The following PARP15 variants were observed in gnomAD, a reference collection of about 807,000 sequenced individuals.
PARP15 encodes protein mono-ADP-ribosyltransferase PARP15.
A neutral mutation model predicts 62.1 loss-of-function variants in PARP15; 50 were observed. The observed-to-expected ratio is 0.81, with a 90% CI of 0.64 to 1.02. The LOEUF is 1.02. Ranked by LOEUF, PARP15 falls within the 50% of genes least tolerant of loss-of-function variation. The probability of loss-of-function intolerance (pLI) is 0.00; values close to 1 mark genes in which losing one functional copy is unlikely to be tolerated. For synonymous variants in PARP15, 309 were observed against 293.1 expected (o/e 1.05, Z -0.55); for missense variants, 820 against 826.5 (o/e 0.99, Z 0.10).
chr3:122,609,744 T>C (rs935819840), intron 2 of PARP15, among the ~76,000 whole-genome samples: 2 of 151,628 alleles, frequency 1.3e-5, no homozygotes, highest in East Asian at 3.9e-4. Context: ...TGAGAGTGTT[T>C]GTCTCCTCTT....
At chr3:122,621,334 C>T in intron 7 of PARP15, 110 bp from the exon 8 acceptor site, 1 of 1,176,246 alleles carries the variant, frequency 8.5e-7, no homozygotes, top group Non-Finnish European at 1.2e-6. Flanking sequence ...TCGAGTGAGA[C>T]TGGGCTTCAC....
In PARP15 at chr3:122,637,657, A is replaced by G. The variant is rs1937441738; in HGVS notation, c.*1557A>G. 1 of 152,176 alleles carries G rather than the reference A, an allele frequency of 6.6e-6. No homozygotes were observed. The highest frequency in any genetic ancestry group is 1.5e-5 in the Non-Finnish European group (1 of 68,032). The allele number at this position is 152,176 out of a possible 1,614,324, so 9.4% of individuals were successfully genotyped here. A position where few individuals can be genotyped will look rare whatever the true frequency, so the allele number is the denominator to read the frequency against. The stretch of plus-strand genomic sequence containing the variant: ...GAAAAATAACTCACCAAACTCACTC[A>G]TAATTCCAGCACTAAGGGAAAACCA... On this transcript the variant is annotated 3_prime_UTR_variant, in exon 12 of 12. Coordinates refer to ENST00000464300, the MANE Select transcript of PARP15 (RefSeq NM_001113523.3).
intron 9 of PARP15, among the ~76,000 whole-genome samples, chr3:122,628,074 G>T (rs1936844853): frequency 6.6e-6 from 1 of 152,196 alleles, no homozygotes; most frequent in Non-Finnish European, 1.5e-5. Flanking sequence ...TCTCAGCTAT[G>T]TTGTCTTTTT....
intron 1 of PARP15, among the ~76,000 whole-genome samples, chr3:122,595,504 G>A (rs1297041321): frequency 6.6e-6 from 1 of 152,080 alleles, no homozygotes. Context: ...TTCACTCGCT[G>A]CTAGGACACC....
Position 122,638,068 on chromosome 3 carries a change from C to T in PARP15, c.*1968C>T, listed in dbSNP as rs1398250499. ...TGTGGTGTTTGGTTTTTTGTCCTTGCGATAGTTTGCTGAGAATGATGGTTT... is the reference window on the plus strand; with the variant it reads ...TGTGGTGTTTGGTTTTTTGTCCTTGTGATAGTTTGCTGAGAATGATGGTTT... On this transcript the variant is annotated 3_prime_UTR_variant, in exon 12 of 12. Transcript: ENST00000464300. The T allele has an allele frequency of 2.8e-4, 42 of 151,926 alleles. No homozygotes were observed. In the East Asian group the frequency reaches 4.5e-3, roughly 16 times the overall value. The allele number at this position is 151,926 out of a possible 1,614,324, so 9.4% of individuals were successfully genotyped here.
In PARP15 at chr3:122,577,709, AG is replaced by A; in HGVS notation, c.46del (p.Ala16LeufsTer65). The A allele has an allele frequency of 6.4e-7, 1 of 1,551,674 alleles. No individual in the cohort carries two copies. Among genetic ancestry groups the A allele is most frequent in the East Asian group, 2.4e-5 (1 of 40,910 alleles). ...GPLPAAALSPGAPTPRELMHG... is the reference protein window; with the variant it reads ...GPLPAAALSPXAPTPRELMHG... The stretch of plus-strand genomic sequence containing the variant: ...CCCTTCCTGCCGCTGCTCTGAGTCC[AG>A]GGGCTCCGACCCCCAGAGAACTTAT... On this transcript the variant is annotated frameshift_variant, in exon 1 of 12. Transcript: ENST00000464300. LOFTEE classifies it high-confidence loss of function.
chr3:122,601,114 T>C (rs1282017320), intron 1 of PARP15, among the ~76,000 whole-genome samples: 2 of 139,972 alleles, frequency 1.4e-5, no homozygotes, highest in Non-Finnish European at 3.0e-5. Context: ...CGATCTCAGC[T>C]CACTACAGCC....
chr3:122,589,278 A>G (rs187806181), intron 1 of PARP15, among the ~76,000 whole-genome samples: 1 of 152,202 alleles, frequency 6.6e-6, no homozygotes, highest in Admixed American at 6.5e-5. Context: ...CACCCTCATG[A>G]CCTCATCTAA....
chr3:122,592,584 C>T (rs996328453), intron 1 of PARP15, among the ~76,000 whole-genome samples: 1 of 148,652 alleles, frequency 6.7e-6, no homozygotes, highest in Admixed American at 6.8e-5. Flanking sequence ...TGCACATGTA[C>T]CACAGAACTT....
At chr3:122,579,795 A>G (rs1018182951) in intron 1 of PARP15, among the ~76,000 whole-genome samples, 1 of 151,854 alleles carries the variant, frequency 6.6e-6, no homozygotes, top group East Asian at 1.9e-4. Flanking sequence ...CCTGGCGAAC[A>G]TGGTGAAACC....
intron 3 of PARP15, among the ~76,000 whole-genome samples, chr3:122,612,513 TG>T (rs1935642774): frequency 6.6e-6 from 1 of 152,024 alleles, no homozygotes; most frequent in South Asian, 2.1e-4. Context: ...CTTGGCTCAC[TG>T]CAAGCTCCGC....
chr3:122,578,473 C>CTT (rs2080730880), intron 1 of PARP15, among the ~76,000 whole-genome samples: 1 of 151,952 alleles, frequency 6.6e-6, no homozygotes, highest in Non-Finnish European at 1.5e-5. Flanking sequence ...TGTCCCAACA[C>CTT]CATTTATTAT....
At chr3:122,581,106 G>A (rs977184690) in intron 1 of PARP15, among the ~76,000 whole-genome samples, 16 of 152,222 alleles carry the variant, frequency 1.1e-4, no homozygotes, top group East Asian at 7.7e-4. Context: ...ACACTCTATG[G>A]TGTTCACACA....
In PARP15 at chr3:122,617,111, AACAGGTAGATGTTATTGT is replaced by A. The variant is rs1936026559; in HGVS notation, c.949_966del (p.Gln317_Val322del). On this transcript the variant is annotated inframe_deletion, in exon 6 of 12. Coordinates refer to ENST00000464300, the MANE Select transcript of PARP15 (RefSeq NM_001113523.3). ...GTTGCTACTGGAGATATAGCCACTG[AACAGGTAGATGTTATTGT>A]AAACTCAACAGCAAGGACATTTAAT... 1 of 1,614,134 alleles carries A rather than the reference AACAGGTAGATGTTATTGT, an allele frequency of 6.2e-7. No homozygotes were observed.
chr3:122,588,473 T>C (rs1475305310), intron 1 of PARP15, among the ~76,000 whole-genome samples: 3 of 152,126 alleles, frequency 2.0e-5, no homozygotes, highest in Non-Finnish European at 1.5e-5. Flanking sequence ...TGTTAGTATG[T>C]TTACTGAGTC....
chr3:122,632,696 A>C (rs1937128316), intron 10 of PARP15, among the ~76,000 whole-genome samples: 1 of 152,164 alleles, frequency 6.6e-6, no homozygotes, highest in African/African-American at 2.4e-5. Flanking sequence ...ATAGAAGACA[A>C]CTGTGTCCTG....
At chr3:122,607,111 A>C (rs1289814946) in intron 2 of PARP15, among the ~76,000 whole-genome samples, 1 of 152,242 alleles carries the variant, frequency 6.6e-6, no homozygotes, top group African/African-American at 2.4e-5. Context: ...TCTGACTCAC[A>C]CTAATCAAAC....
intron 10 of PARP15, among the ~76,000 whole-genome samples, chr3:122,634,170 A>C (rs1438143287): frequency 6.6e-6 from 1 of 152,054 alleles, no homozygotes; most frequent in Non-Finnish European, 1.5e-5. Context: ...CCAGAACATC[A>C]TCCTCTCAGA....
At chr3:122,581,920 T>A (rs1268641588) in intron 1 of PARP15, among the ~76,000 whole-genome samples, 3 of 152,222 alleles carry the variant, frequency 2.0e-5, no homozygotes, top group Admixed American at 6.5e-5. Flanking sequence ...TGTTTTGAAA[T>A]CAGGAAGTGA....
Sources: allele counts gnomAD v4.1 joint callset (sites outside exome capture counted in the v4.1 genomes callset), GRCh38; gene constraint gnomAD v4.1.1; transcripts MANE v1.5; gene names NCBI Gene and HGNC (gene_info 2026-07-23, HGNC 2026-07-21).